LRBA: variants seen among roughly 807,000 people sequenced by gnomAD.
The protein encoded by LRBA is LPS responsive beige-like anchor protein, also known as lipopolysaccharide-responsive and beige-like anchor protein.
A neutral mutation model predicts 330.0 loss-of-function variants in LRBA; 176 were observed. The ratio of observed to expected loss-of-function variants is 0.53; its 90% CI spans 0.47 to 0.60. LRBA has a LOEUF of 0.60. LRBA is among the 20% of genes least tolerant of loss of function. LRBA has a pLI of 0.00. For missense variants in LRBA, 3,259 were observed against 3,444.8 expected (o/e 0.95, Z 1.35); for synonymous variants, 1,230 against 1,193.0 (o/e 1.03, Z -0.64).
intron 22 of LRBA, among the ~76,000 whole-genome samples, chr4:150,863,091 G>C (rs762564445): frequency 6.6e-6 from 1 of 152,016 alleles, no homozygotes; most frequent in Non-Finnish European, 1.5e-5. Flanking sequence ...GAGTCCAGGA[G>C]TTGAAGACCA....
chr4:150,740,555 A>T (rs28538591), intron 35 of LRBA, among the ~76,000 whole-genome samples: 1 of 151,620 alleles, frequency 6.6e-6, no homozygotes, highest in African/African-American at 2.4e-5. Context: ...TTTAAATACT[A>T]TTTTGAAAAG....
chr4:150,511,524 G>T (rs902460288), intron 40 of LRBA, among the ~76,000 whole-genome samples: 1 of 152,154 alleles, frequency 6.6e-6, no homozygotes, highest in Non-Finnish European at 1.5e-5. Flanking sequence ...CAGTGTGATG[G>T]TCTTCCTAAC....
intron 40 of LRBA, among the ~76,000 whole-genome samples, chr4:150,550,982 T>A (rs1461624733): frequency 6.6e-6 from 1 of 152,168 alleles, no homozygotes; most frequent in Non-Finnish European, 1.5e-5. Context: ...TGAATCCCCA[T>A]TTTAACAGTG....
At chr4:150,856,244 A>G (rs1450210642) in intron 22 of LRBA, among the ~76,000 whole-genome samples, 1 of 152,170 alleles carries the variant, frequency 6.6e-6, no homozygotes, top group South Asian at 2.1e-4. Context: ...ACTCCTAATA[A>G]GAATACAGGT....
chr4:150,406,327 C>T (rs1316756074), intron 47 of LRBA, among the ~76,000 whole-genome samples: 3 of 151,954 alleles, frequency 2.0e-5, no homozygotes, highest in Admixed American at 1.3e-4. Context: ...CTATTGGATG[C>T]TATCTGGATT....
intron 36 of LRBA, chr4:150,720,832 A>T (rs1431406666): frequency 3.7e-6 from 1 of 272,022 alleles, no homozygotes; most frequent in East Asian, 1.1e-4. Flanking sequence ...CACAGGCAGA[A>T]GACACAAAAA....
At chr4:150,647,944 GA>G in intron 37 of LRBA, among the ~76,000 whole-genome samples, 1 of 151,722 alleles carries the variant, frequency 6.6e-6, no homozygotes, top group Non-Finnish European at 1.5e-5. Context: ...AGCAGAGTGT[GA>G]GGTTCAATAA....
chr4:150,765,631 A>G (rs1317320637), intron 34 of LRBA, among the ~76,000 whole-genome samples: 1 of 152,122 alleles, frequency 6.6e-6, no homozygotes, highest in Non-Finnish European at 1.5e-5. Flanking sequence ...ATTTTTCTCA[A>G]ATCCATTTGT....
At chr4:150,588,952 G>T (rs140364424) in intron 39 of LRBA, among the ~76,000 whole-genome samples, 4 of 151,850 alleles carry the variant, frequency 2.6e-5, no homozygotes, top group African/African-American at 9.7e-5. Flanking sequence ...ATTCACTACA[G>T]ACAGAACAGC....
chr4:150,802,350 G>T (rs72961835), intron 33 of LRBA, among the ~76,000 whole-genome samples: 14 of 144,592 alleles, frequency 9.7e-5, no homozygotes, highest in South Asian at 4.4e-4. Context: ...GCATTCGTGG[G>T]TTTTTTTTTT....
chr4:150,892,957 T>G (rs1729622855), intron 17 of LRBA, 95 bp downstream of exon 17: 1 of 733,068 alleles, frequency 1.4e-6, no homozygotes, highest in East Asian at 2.8e-5. Context: ...ATAAACTCAT[T>G]TCATATGTAA....
At chr4:150,958,793 T>C (rs1421951107) in intron 2 of LRBA, among the ~76,000 whole-genome samples, 1 of 149,084 alleles carries the variant, frequency 6.7e-6, no homozygotes, top group East Asian at 1.9e-4. Flanking sequence ...AGAATGATCT[T>C]TACTCCAGTT....
chr4:150,955,224 T>A (rs1737405841), intron 2 of LRBA, among the ~76,000 whole-genome samples: 1 of 148,272 alleles, frequency 6.7e-6, no homozygotes, highest in Non-Finnish European at 1.5e-5. Context: ...TGAGCCACCA[T>A]CACACCACTG....
chr4:150,297,763 A>G (rs1196731815), intron 53 of LRBA, among the ~76,000 whole-genome samples: 1 of 152,238 alleles, frequency 6.6e-6, no homozygotes, highest in Non-Finnish European at 1.5e-5. Flanking sequence ...TCAAGAAGCT[A>G]ACAAGTTTAT....
chr4:150,965,948 T>C (rs1447911846), intron 2 of LRBA, among the ~76,000 whole-genome samples: 4 of 152,308 alleles, frequency 2.6e-5, no homozygotes, highest in Non-Finnish European at 5.9e-5. Flanking sequence ...GAGATTTCAT[T>C]AAATACATTC....
At chr4:150,537,388 G>T (rs372593057) in intron 40 of LRBA, among the ~76,000 whole-genome samples, 5 of 152,146 alleles carry the variant, frequency 3.3e-5, no homozygotes, top group African/African-American at 1.2e-4. Flanking sequence ...AGAAAACCTA[G>T]GAAGTACCAT....
rs540489748 is a variant in LRBA, at chr4:150,986,000, G to A, written c.216+28427C>T. On this transcript the variant is annotated intron_variant, in intron 2 of 56. Transcript: ENST00000651943. ...AAATGTATAAAAGTGCTTTTTTTTT[G>A]GTAGAGATGGGGGTCTCACTTTGTT... Among the ~76,000 whole-genome samples the A allele has an allele frequency of 1.2e-4, 18 of 149,774 alleles. No individual in the cohort carries two copies. The South Asian group carries it at 3.1e-3, about 26-fold the overall frequency.
intron 40 of LRBA, among the ~76,000 whole-genome samples, chr4:150,514,081 T>C (rs1762094991): frequency 6.6e-6 from 1 of 152,142 alleles, no homozygotes; most frequent in Non-Finnish European, 1.5e-5. Context: ...TTTTGTTTTG[T>C]TTGTTTTTGA....
chr4:150,354,201 A>G (rs1406436940), intron 47 of LRBA, among the ~76,000 whole-genome samples: 1 of 152,074 alleles, frequency 6.6e-6, no homozygotes, highest in African/African-American at 2.4e-5. Flanking sequence ...AAATCATAAA[A>G]CCTATATTAA....
Sources: allele counts gnomAD v4.1 joint callset (sites outside exome capture counted in the v4.1 genomes callset), GRCh38; gene constraint gnomAD v4.1.1; transcripts MANE v1.5; gene names NCBI Gene and HGNC (gene_info 2026-07-23, HGNC 2026-07-21).